Variants in IQGAP1 observed in about 807,000 individuals in gnomAD.
The protein encoded by IQGAP1 is ras GTPase-activating-like protein IQGAP1.
In IQGAP1, 66 loss-of-function variants were observed where a neutral mutation model predicts 215.6. The ratio of observed to expected loss-of-function variants is 0.31; its 90% confidence interval spans 0.25 to 0.38. The LOEUF (loss-of-function observed/expected upper bound fraction) is 0.38, where lower values mean the gene tolerates loss of function less well. Among genes scored for constraint, IQGAP1 ranks in the 10% least tolerant of loss-of-function variants. The probability of loss-of-function intolerance (pLI) is 1.00; values close to 1 mark genes in which losing one functional copy is unlikely to be tolerated. For synonymous variants in IQGAP1, 772 were observed against 728.7 expected (o/e 1.06, Z -0.96); for missense variants, 1,712 against 1,997.1 (o/e 0.86, Z 2.72).
At chr15:90,434,296 G>A (rs1965340845) in intron 5 of IQGAP1, among the ~76,000 whole-genome samples, 1 of 151,946 alleles carries the variant, frequency 6.6e-6, no homozygotes, top group Non-Finnish European at 1.5e-5. Context: ...AAATTAGCTG[G>A]GCATGGTGGC....
intron 34 of IQGAP1, 127 bp from the exon 35 acceptor site, chr15:90,492,417 TC>T: frequency 3.4e-6 from 2 of 593,466 alleles, no homozygotes; most frequent in Non-Finnish European, 5.2e-6. Context: ...CAACAGAGTG[TC>T]TAAAAAAAAA....
At chr15:90,410,584 G>A (rs1964946275) in intron 2 of IQGAP1, among the ~76,000 whole-genome samples, 1 of 151,828 alleles carries the variant, frequency 6.6e-6, no homozygotes, top group African/African-American at 2.4e-5. Context: ...ACTATCACAA[G>A]GACAGAAAAC....
At chr15:90,461,995 A>T (rs1965768731) in intron 15 of IQGAP1, among the ~76,000 whole-genome samples, 1 of 10,220 alleles carries the variant, frequency 9.8e-5, no homozygotes, top group African/African-American at 1.5e-3. Flanking sequence ...AAAAAAAAAA[A>T]AAAAGAAAAA....
rs1965936899 is a variant in IQGAP1, at chr15:90,473,706, CTG to C, written c.2350-7_2350-6del. ...GTAATATGTCTTCTGTAACATTTGA[CTG>C]TTTCAGTCACAGTGGAGAGGATACA... On this transcript the variant is annotated splice_polypyrimidine_tract_variant and splice_region_variant and intron_variant, in intron 19 of 37. Transcript: ENST00000268182. 11 of 1,594,270 alleles carry C rather than the reference CTG, an allele frequency of 6.9e-6. No homozygotes were observed. Among genetic ancestry groups the C allele is most frequent in the East Asian group, 4.5e-5 (2 of 44,704 alleles).
At chr15:90,424,122 T>G (rs566904531) in intron 2 of IQGAP1, among the ~76,000 whole-genome samples, 1 of 152,218 alleles carries the variant, frequency 6.6e-6, no homozygotes, top group South Asian at 2.1e-4. Flanking sequence ...CCAAGTTAGA[T>G]TGTCCCCTGA....
intron 2 of IQGAP1, among the ~76,000 whole-genome samples, chr15:90,421,063 G>T (rs1395759576): frequency 6.6e-6 from 1 of 152,206 alleles, no homozygotes; most frequent in Non-Finnish European, 1.5e-5. Context: ...CTTGAACCCG[G>T]AAGCCAGAGG....
intron 33 of IQGAP1, among the ~76,000 whole-genome samples, chr15:90,491,099 G>A (rs1328408560): frequency 3.9e-5 from 6 of 152,104 alleles, no homozygotes; most frequent in African/African-American, 1.4e-4. Flanking sequence ...ATGAGCCACC[G>A]CGCCTAGCCC....
chr15:90,395,134 T>C (rs138111786), intron 2 of IQGAP1, among the ~76,000 whole-genome samples: 48 of 152,326 alleles, frequency 3.2e-4, no homozygotes, highest in African/African-American at 1.1e-3. Flanking sequence ...AGCTTCAATA[T>C]TGAAATTAAG....
chr15:90,423,503 G>A (rs1381902425), intron 2 of IQGAP1, among the ~76,000 whole-genome samples: 1 of 152,202 alleles, frequency 6.6e-6, no homozygotes, highest in East Asian at 1.9e-4. Flanking sequence ...AAAGTGCTGG[G>A]ATTACAGGTG....
intron 2 of IQGAP1, among the ~76,000 whole-genome samples, chr15:90,408,099 A>G (rs1596251942): frequency 6.6e-6 from 1 of 152,300 alleles, no homozygotes; most frequent in African/African-American, 2.4e-5. Context: ...GCATAACACT[A>G]TGTATACTTG....
intron 33 of IQGAP1, 64 bp downstream of exon 33, chr15:90,487,646 C>A (rs1966145777): frequency 9.0e-7 from 1 of 1,106,576 alleles, no homozygotes; most frequent in Non-Finnish European, 1.4e-6. Flanking sequence ...AGGCGCATGT[C>A]AGAGAAAGGA....
rs1596260641 is a variant in IQGAP1, at chr15:90,426,204, T to A, written c.250T>A (p.Phe84Ile). The A allele has an allele frequency of 1.9e-6, 3 of 1,603,618 alleles. No homozygotes were observed. The highest frequency in any genetic ancestry group is 1.4e-5 in the African/African-American group (1 of 73,986). ...NGVYLAKLGN[F>I]FSPKVVSLKK... ...GGTCTACCTTGCCAAACTGGGGAAC[T>A]TCTTCTCTCCCAAAGTAGTGTCCCT... Residue 84 changes from phenylalanine (F) to isoleucine (I), a missense_variant, in exon 3 of 38, where the codon TTC becomes ATC. Phe to Ile is a conservative substitution (Grantham distance 21). Around this residue, in one of 2 missense-constraint regions of IQGAP1, gnomAD observed 1,021 missense variants for 1,074.2 expected, o/e 0.95. Transcript: ENST00000268182.
chr15:90,410,889 A>G lies in IQGAP1; in HGVS notation c.156-15221A>G, dbSNP rs182364163. On this transcript the variant is annotated intron_variant, in intron 2 of 37. Transcript: ENST00000268182. ...AACATTCCCAAGATCCCCTCAAAAA[A>G]AAGAAAAAGAAAAAGAAATTTCTCT... is the stretch of plus-strand genomic sequence containing the variant. Among the ~76,000 whole-genome samples the G allele has an allele frequency of 2.4e-3, 360 of 152,032 alleles. 7 individuals are homozygous for G. Among genetic ancestry groups the G allele is most frequent in the Admixed American group, 0.017 (266 of 15,282 alleles).
At chr15:90,474,038 G>A (rs746325291) in intron 21 of IQGAP1, 26 bp from the exon 22 acceptor site, 8 of 1,581,192 alleles carry the variant, frequency 5.1e-6, no homozygotes, top group Non-Finnish European at 6.8e-6. Context: ...GATGAACAGA[G>A]AAATTTCTTC....
intron 11 of IQGAP1, among the ~76,000 whole-genome samples, chr15:90,451,910 A>T (rs1274309559): frequency 1.5e-4 from 23 of 149,928 alleles, no homozygotes; most frequent in African/African-American, 5.7e-4. Flanking sequence ...GCTCACTGCA[A>T]CCTCTGACTC....
chr15:90,492,804 A>G, intron 35 of IQGAP1, 93 bp downstream of exon 35: 1 of 944,962 alleles, frequency 1.1e-6, no homozygotes, highest in Non-Finnish European at 1.6e-6. Flanking sequence ...TTTTACTTAA[A>G]ATACACTGGA....
At chr15:90,392,096 C>T (rs1427703237) in intron 2 of IQGAP1, among the ~76,000 whole-genome samples, 3 of 150,110 alleles carry the variant, frequency 2.0e-5, no homozygotes, top group Non-Finnish European at 3.0e-5. Flanking sequence ...AAACCAACAT[C>T]GCTACATTTA....
chr15:90,470,485 T>A (rs1965890621), intron 18 of IQGAP1, among the ~76,000 whole-genome samples: 1 of 152,192 alleles, frequency 6.6e-6, no homozygotes, highest in African/African-American at 2.4e-5. Flanking sequence ...ATGTTGATGC[T>A]GCTGGCCCAA....
intron 2 of IQGAP1, among the ~76,000 whole-genome samples, chr15:90,414,343 A>G (rs1479844432): frequency 6.6e-6 from 1 of 152,120 alleles, no homozygotes; most frequent in Admixed American, 6.6e-5. Context: ...TAATAATAAT[A>G]AAATAAAAAT....
Sources: allele counts gnomAD v4.1 joint callset (sites outside exome capture counted in the v4.1 genomes callset), GRCh38; gene constraint gnomAD v4.1.1; regional missense constraint gnomAD v4.1.1; transcripts MANE v1.5; gene names NCBI Gene and HGNC (gene_info 2026-07-23, HGNC 2026-07-21).